USP43: variants seen among roughly 807,000 people sequenced by gnomAD.
The protein encoded by USP43 is ubiquitin specific peptidase 43.
A neutral mutation model predicts 90.7 loss-of-function variants in USP43; 33 were observed. The observed-to-expected ratio is 0.36, with a 90% CI of 0.28 to 0.49. The LOEUF (loss-of-function observed/expected upper bound fraction) is 0.49, where lower values mean the gene tolerates loss of function less well. Among genes scored for constraint, USP43 ranks in the 20% least tolerant of loss-of-function variants. USP43 has a pLI of 0.98. For synonymous variants in USP43, 598 were observed against 615.8 expected (o/e 0.97, Z 0.43); for missense variants, 1,274 against 1,476.4 (o/e 0.86, Z 2.25).
rs202237225 is a variant in USP43 at position 9,728,008 on chromosome 17, T to C, written c.2390T>C (p.Met797Thr). Residue 797 changes from methionine to threonine, a missense_variant, in exon 15 of 15, where the codon ATG becomes ACG. Met to Thr is a moderately conservative substitution (Grantham distance 81). This residue lies in a region of USP43 where 285 missense variants were observed against 349.6 expected (regional missense o/e 0.82). Transcript: ENST00000285199. The surrounding 1 kb of genome is among the most constrained non-coding windows in gnomAD (Gnocchi z 6.2). Reference protein sequence around the residue: ...VRGVKGRSISMKAPTTSRAKQ... With the variant: ...VRGVKGRSISTKAPTTSRAKQ... The stretch of plus-strand genomic sequence containing the variant: ...GGCGTGAAAGGCAGAAGCATTAGCA[T>C]GAAGGCACCCACCACTTCCCGAGCC... 1.7e-4 allele frequency: 273 copies of C among 1,613,324 alleles called. No homozygotes were observed. The highest frequency in any genetic ancestry group is 4.7e-4 in the Admixed American group (28 of 59,984).
At chr17:9,703,640 C>G (rs371338088) in intron 12 of USP43, among the ~76,000 whole-genome samples, 2 of 152,064 alleles carry the variant, frequency 1.3e-5, no homozygotes, top group African/African-American at 4.8e-5. Context: ...ACTGGCGAGG[C>G]GGTAGGCAGG....
intron 14 of USP43, among the ~76,000 whole-genome samples, chr17:9,715,849 A>G (rs1916521022): frequency 1.7e-5 from 2 of 115,664 alleles, no homozygotes; most frequent in Admixed American, 8.4e-5. Context: ...ATCTGTGTAT[A>G]TGTGTCTGTG....
intron 1 of USP43, among the ~76,000 whole-genome samples, chr17:9,652,335 G>C (rs895687600): frequency 6.6e-6 from 1 of 150,930 alleles, no homozygotes; most frequent in Non-Finnish European, 1.5e-5. Context: ...TGCAGTTCTA[G>C]TTATGTTTCC....
intron 12 of USP43, among the ~76,000 whole-genome samples, chr17:9,705,255 T>A (rs2151991212): frequency 6.6e-6 from 1 of 152,030 alleles, no homozygotes; most frequent in African/African-American, 2.4e-5. Context: ...CACCCCCTAA[T>A]TTAAGTAAAA....
intron 1 of USP43, 142 bp from the exon 2 acceptor site, chr17:9,656,261 C>T: frequency 8.7e-7 from 1 of 1,154,160 alleles, no homozygotes; most frequent in Non-Finnish European, 1.2e-6. Context: ...CGTGAAAGAA[C>T]ATTTCTACCC....
chr17:9,677,805 C>T (rs1160595883), intron 5 of USP43, among the ~76,000 whole-genome samples: 2 of 152,168 alleles, frequency 1.3e-5, no homozygotes, highest in East Asian at 1.9e-4. Flanking sequence ...CATACAATAA[C>T]GTCTACCTAT....
chr17:9,666,093 G>C (rs1913018404), intron 2 of USP43, among the ~76,000 whole-genome samples: 1 of 152,212 alleles, frequency 6.6e-6, no homozygotes, highest in Non-Finnish European at 1.5e-5. Flanking sequence ...CAAGGGGAAT[G>C]AAAAGGACAG....
At chr17:9,698,956 T>C (rs1211872759) in intron 9 of USP43, among the ~76,000 whole-genome samples, 1 of 152,222 alleles carries the variant, frequency 6.6e-6, no homozygotes, top group Non-Finnish European at 1.5e-5. Context: ...GTCTCCCTCA[T>C]TGTGGAAATG....
rs921508079 is a variant in USP43, at chr17:9,729,244, G to A, written c.*254G>A. On this transcript the variant is annotated 3_prime_UTR_variant, in exon 15 of 15. Coordinates refer to ENST00000285199, the MANE Select transcript of USP43 (RefSeq NM_153210.5). ...TTTGGCCACTAGAGGATGCTATTGG[G>A]TCAGTATTACCAGTTTCAGGGCAAG... 3.2e-6 allele frequency: 1 copy of A among 313,406 alleles called. No individual in the cohort carries two copies. The highest frequency in any genetic ancestry group is 2.1e-5 in the African/African-American group (1 of 46,780). The allele number at this position is 313,406 out of a possible 1,614,324, so 19.4% of individuals were successfully genotyped here. A position where few individuals can be genotyped will look rare whatever the true frequency, so the allele number is the denominator to read the frequency against.
chr17:9,645,499 C>A, upstream of USP43: 1 of 902,388 alleles, frequency 1.1e-6, no homozygotes, highest in Non-Finnish European at 1.4e-6. This position sits in a 1 kb window ranked among gnomAD's most constrained non-coding sequence, Gnocchi z 6.8. Flanking sequence ...CTTGGCTCCG[C>A]CTCCGCCCCG....
chr17:9,675,985 T>C (rs1465341345), intron 4 of USP43, among the ~76,000 whole-genome samples: 6 of 152,150 alleles, frequency 3.9e-5, no homozygotes, highest in Admixed American at 3.3e-4. Context: ...TGGGCAGTTA[T>C]TGGAGTACAG....
intron 12 of USP43, among the ~76,000 whole-genome samples, chr17:9,707,520 G>T (rs956315210): frequency 9.9e-5 from 15 of 151,514 alleles, no homozygotes; most frequent in African/African-American, 2.9e-4. Context: ...GGTGGCAGGC[G>T]CCTGTAGTCC....
chr17:9,703,894 C>T (rs952565327), intron 12 of USP43, among the ~76,000 whole-genome samples: 1 of 152,150 alleles, frequency 6.6e-6, no homozygotes, highest in African/African-American at 2.4e-5. Context: ...TCAACTCCCT[C>T]CTTTAGGTGA....
intron 2 of USP43, among the ~76,000 whole-genome samples, chr17:9,663,213 G>A (rs748911417): frequency 3.9e-5 from 6 of 152,006 alleles, no homozygotes; most frequent in Non-Finnish European, 5.9e-5. Flanking sequence ...GAGAAATCAT[G>A]GAGCAAAGAG....
At chr17:9,726,050 T>C (rs1212960099) in intron 14 of USP43, among the ~76,000 whole-genome samples, 1 of 152,140 alleles carries the variant, frequency 6.6e-6, no homozygotes, top group African/African-American at 2.4e-5. Context: ...AGAAATGCTT[T>C]GAGGAAAGAA....
chr17:9,674,130 A>C lies in USP43; in HGVS notation c.741-761A>C, dbSNP rs1913615212. On this transcript the variant is annotated intron_variant, in intron 3 of 14. Transcript: ENST00000285199. This position sits in a 1 kb window ranked among gnomAD's most constrained non-coding sequence, Gnocchi z 4.4. ...CTGGGGCACAGTGAGGCTGAGAAGC[A>C]GGGGAAGAGATGGTCCTGAGATCCC... 6.6e-6 allele frequency among the ~76,000 whole-genome samples: 1 copy of C among 152,184 alleles called. No individual in the cohort carries two copies. Among genetic ancestry groups the C allele is most frequent in the Non-Finnish European group, 1.5e-5 (1 of 68,028 alleles).
rs1229223623 is a variant in USP43, at chr17:9,676,844, A to G, written c.932A>G (p.Lys311Arg). ...PILSTVAALRKMVAEEGGVPA... is the reference protein window; with the variant it reads ...PILSTVAALRRMVAEEGGVPA... ...CTCAGCACAGTGGCAGCCCTGAGGA[A>G]GATGGTTGCAGAGGAAGGAGGCGTC... Residue 311 changes from lysine to arginine, a missense_variant, in exon 5 of 15, where the codon AAG (lysine) becomes AGG (arginine). Physicochemically the swap from Lys to Arg is conservative, Grantham distance 26 (BLOSUM62 2). Transcript: ENST00000285199. The G allele has an allele frequency of 2.5e-6, 4 of 1,613,920 alleles. No homozygotes were observed. Among genetic ancestry groups the G allele is most frequent in the Middle Eastern group, 3.3e-4 (2 of 6,062 alleles).
intron 3 of USP43, among the ~76,000 whole-genome samples, chr17:9,668,264 C>T (rs983214828): frequency 1.3e-5 from 2 of 152,088 alleles, no homozygotes; most frequent in African/African-American, 2.4e-5. Flanking sequence ...TTATTGACTT[C>T]TCTTCAAACA....
chr17:9,658,738 G>A (rs1275075027), intron 2 of USP43, among the ~76,000 whole-genome samples: 1 of 152,182 alleles, frequency 6.6e-6, no homozygotes, highest in East Asian at 1.9e-4. Flanking sequence ...GGCATTTATT[G>A]ACTTTTATAA....
Sources: allele counts gnomAD v4.1 joint callset (sites outside exome capture counted in the v4.1 genomes callset), GRCh38; gene constraint gnomAD v4.1.1; regional missense constraint gnomAD v4.1.1; non-coding constraint Gnocchi (gnomAD v3.1); transcripts MANE v1.5; gene names NCBI Gene and HGNC (gene_info 2026-07-23, HGNC 2026-07-21).